Variants in PRKCE observed in about 807,000 individuals in gnomAD.
The protein encoded by PRKCE is protein kinase C epsilon type.
PRKCE carries 16 observed loss-of-function variants against 85.4 expected under a neutral mutation model. The observed-to-expected ratio is 0.19, with a 90% CI of 0.13 to 0.28. The LOEUF is 0.28. Among genes scored for constraint, PRKCE ranks in the 10% least tolerant of loss-of-function variants. The pLI is 1.00. For missense variants in PRKCE, 573 were observed against 975.2 expected (o/e 0.59, Z 5.49); for synonymous variants, 388 against 371.5 (o/e 1.04, Z -0.51).
At chr2:45,925,641 C>G (rs975562571) in intron 2 of PRKCE, among the ~76,000 whole-genome samples, 1 of 152,232 alleles carries the variant, frequency 6.6e-6, no homozygotes, top group Non-Finnish European at 1.5e-5. Context: ...TAAACATTTA[C>G]TGTGTACCTA....
At chr2:45,723,423 C>T (rs1387271973) in intron 1 of PRKCE, among the ~76,000 whole-genome samples, 3 of 152,170 alleles carry the variant, frequency 2.0e-5, no homozygotes, top group African/African-American at 7.2e-5. Flanking sequence ...CACAGATGTG[C>T]TTCTAGGCTC....
chr2:46,052,589 C>T (rs1708922553), intron 10 of PRKCE, among the ~76,000 whole-genome samples: 1 of 152,192 alleles, frequency 6.6e-6, no homozygotes. Flanking sequence ...TCTCTACATT[C>T]AATGCAGTCC....
intron 1 of PRKCE, among the ~76,000 whole-genome samples, chr2:45,831,486 A>G (rs572058274): frequency 2.0e-5 from 3 of 152,310 alleles, no homozygotes; most frequent in South Asian, 4.1e-4. Context: ...CAAGGGATAT[A>G]TTCTCTACAG....
intron 1 of PRKCE, among the ~76,000 whole-genome samples, chr2:45,702,217 C>G (rs1241137389): frequency 6.6e-6 from 1 of 152,088 alleles, no homozygotes; most frequent in East Asian, 1.9e-4. Flanking sequence ...AAAAACAATA[C>G]AAAGATGACT....
At chr2:45,869,571 C>G (rs1388101165) in intron 2 of PRKCE, among the ~76,000 whole-genome samples, 2 of 152,160 alleles carry the variant, frequency 1.3e-5, no homozygotes, top group Non-Finnish European at 2.9e-5. Flanking sequence ...ACTCTTCTTC[C>G]TATTGTCCTG....
intron 2 of PRKCE, among the ~76,000 whole-genome samples, chr2:45,924,693 G>A (rs1698486318): frequency 6.6e-6 from 1 of 152,234 alleles, no homozygotes; most frequent in South Asian, 2.1e-4. Flanking sequence ...CTTTCAGTAA[G>A]TGTTAGAGAT....
chr2:46,082,913 C>A (rs1194456123), intron 10 of PRKCE, among the ~76,000 whole-genome samples: 1 of 152,166 alleles, frequency 6.6e-6, no homozygotes, highest in Non-Finnish European at 1.5e-5. Flanking sequence ...ATTTAACCTT[C>A]ATGAGAATTC....
intron 5 of PRKCE, among the ~76,000 whole-genome samples, chr2:45,981,364 G>T (rs1242192380): frequency 6.6e-6 from 1 of 152,156 alleles, no homozygotes; most frequent in Non-Finnish European, 1.5e-5. Context: ...TAATCAGCTG[G>T]TCTACAATTT....
intron 11 of PRKCE, among the ~76,000 whole-genome samples, chr2:46,108,577 G>A (rs1671964087): frequency 1.3e-5 from 2 of 152,192 alleles, no homozygotes; most frequent in Non-Finnish European, 1.5e-5. Context: ...AGTGATGGCT[G>A]CACTGAAGAC....
At chr2:45,886,344 C>T (rs1336343120) in intron 2 of PRKCE, among the ~76,000 whole-genome samples, 4 of 152,340 alleles carry the variant, frequency 2.6e-5, no homozygotes, top group Admixed American at 2.0e-4. Context: ...TGTTCTGTCT[C>T]TTCCTGAGAA....
chr2:45,840,168 A>C (rs1057178529), intron 1 of PRKCE, among the ~76,000 whole-genome samples: 1 of 152,176 alleles, frequency 6.6e-6, no homozygotes, highest in African/African-American at 2.4e-5. Context: ...GTCGTGGGAA[A>C]TCTTTGAGTT....
chr2:45,712,366 GCTGGTCTCGAA>G (rs1221783414), intron 1 of PRKCE, among the ~76,000 whole-genome samples: 4 of 151,594 alleles, frequency 2.6e-5, no homozygotes, highest in African/African-American at 9.7e-5. Context: ...TATTGGCCAG[GCTGGTCTCGAA>G]CTTCTGACCT....
chr2:46,098,258 T>C (rs76744187), intron 11 of PRKCE, among the ~76,000 whole-genome samples: 6,466 of 152,208 alleles, frequency 0.042, 211 homozygotes, highest in East Asian at 0.08. Flanking sequence ...ATCTGTGATG[T>C]TGGGCAAAGA....
intron 11 of PRKCE, among the ~76,000 whole-genome samples, chr2:46,092,308 T>A (rs886739148): frequency 2.6e-5 from 4 of 152,186 alleles, no homozygotes; most frequent in African/African-American, 9.7e-5. Flanking sequence ...CAGAGAAAGA[T>A]GTAAGTTATA....
intron 1 of PRKCE, among the ~76,000 whole-genome samples, chr2:45,747,561 G>A (rs1219394614): frequency 6.6e-6 from 1 of 152,198 alleles, no homozygotes; most frequent in Non-Finnish European, 1.5e-5. Context: ...TTAAGGCTGA[G>A]TAATATTCCA....
chr2:45,897,187 C>T lies in PRKCE; in HGVS notation c.412+54124C>T, dbSNP rs529185977. Among the ~76,000 whole-genome samples, 4 of 152,300 alleles carry T rather than the reference C, an allele frequency of 2.6e-5. No individual in the cohort carries two copies. In the East Asian group the frequency reaches 7.7e-4, roughly 29 times the overall value. ...CATACTCAAATTATCTAGAAAACTT[C>T]ACTCTTTAGTTCAGTAAGTATAGGC... On this transcript the variant is annotated intron_variant, in intron 2 of 14. Coordinates refer to ENST00000306156, the MANE Select transcript of PRKCE (RefSeq NM_005400.3).
chr2:45,860,583 A>T (rs959109228), intron 2 of PRKCE, among the ~76,000 whole-genome samples: 1 of 152,174 alleles, frequency 6.6e-6, no homozygotes, highest in African/African-American at 2.4e-5. Flanking sequence ...TACTATAGGA[A>T]CAAGAGCTGG....
At chr2:45,938,481 C>T (rs1372092586) in intron 2 of PRKCE, among the ~76,000 whole-genome samples, 3 of 152,184 alleles carry the variant, frequency 2.0e-5, no homozygotes, top group Admixed American at 1.3e-4. Context: ...GATATCCCTG[C>T]ATTTTCCACC....
intron 1 of PRKCE, among the ~76,000 whole-genome samples, chr2:45,799,232 A>G (rs1687674892): frequency 6.6e-6 from 1 of 151,958 alleles, no homozygotes; most frequent in South Asian, 2.1e-4. Context: ...TATTCTTTTC[A>G]GCTCCTTTTT....
Sources: gnomAD v4.1 joint callset for allele counts (sites outside exome capture counted in the v4.1 genomes callset) on GRCh38, gnomAD v4.1.1 for gene constraint, MANE v1.5 for transcripts, NCBI Gene and HGNC (gene_info 2026-07-23, HGNC 2026-07-21) for gene names.